BRD4: variants seen among roughly 807,000 people sequenced by gnomAD.
BRD4 encodes bromodomain containing 4, also known as bromodomain-containing protein 4.
A neutral mutation model predicts 142.1 loss-of-function variants in BRD4; 16 were observed. That is an observed-to-expected ratio of 0.11 (90% CI 0.08 to 0.17). The LOEUF is 0.17. BRD4 is among the 10% of genes least tolerant of loss of function. BRD4 has a pLI of 1.00. For missense variants in BRD4, 1,424 were observed against 1,810.9 expected (o/e 0.79, Z 3.88); for synonymous variants, 833 against 707.5 (o/e 1.18, Z -2.82).
In BRD4 at chr19:15,243,233, G is replaced by A; in HGVS notation, c.2836C>T (p.Pro946Ser). The change falls in exon 14 of 20, where the codon CCT (proline) becomes TCT (serine). Residue 946 changes from proline to serine, a missense_variant. Pro to Ser is a moderately conservative substitution (Grantham distance 74). Transcript: ENST00000679869. ...QKVQPPTPLLPSVKVQSQPPP... is the reference protein window; with the variant it reads ...QKVQPPTPLLSSVKVQSQPPP... ...GGCTGGGACTGCACCTTCACGGAAG[G>A]GAGTAGCGGCGTAGGGGGCTGCACC... The A allele has an allele frequency of 7.0e-6, 10 of 1,425,334 alleles. No individual in the cohort carries two copies. The highest frequency in any genetic ancestry group is 9.4e-6 in the Non-Finnish European group (10 of 1,067,342). The allele number at this position is 1,425,334 out of a possible 1,614,324, so 88.3% of individuals were successfully genotyped here. A position where few individuals can be genotyped will look rare whatever the true frequency, so the allele number is the denominator to read the frequency against.
At chr19:15,305,028 T>TC (rs2047901966) in intron 1 of BRD4, among the ~76,000 whole-genome samples, 1 of 149,020 alleles carries the variant, frequency 6.7e-6, no homozygotes, top group East Asian at 1.9e-4. Context: ...ACCATCTTTT[T>TC]TTTTTTTTTT....
chr19:15,302,228 G>A (rs930105851), intron 1 of BRD4, among the ~76,000 whole-genome samples: 2 of 152,012 alleles, frequency 1.3e-5, no homozygotes, highest in Non-Finnish European at 2.9e-5. Context: ...ACCACATGCA[G>A]TACACCACCC....
intron 2 of BRD4, 76 bp downstream of exon 2, chr19:15,272,739 G>A: frequency 7.0e-7 from 1 of 1,422,752 alleles, no homozygotes; most frequent in Non-Finnish European, 9.6e-7. Flanking sequence ...CCTCCCCCCA[G>A]GAACTGCCCT....
chr19:15,323,338 C>T (rs1037784123), intron 1 of BRD4, among the ~76,000 whole-genome samples: 19 of 152,094 alleles, frequency 1.2e-4, no homozygotes, highest in African/African-American at 4.6e-4. Context: ...CAGATGTCCC[C>T]TGCTGAGTGT....
chr19:15,302,956 C>T (rs182463992), intron 1 of BRD4, among the ~76,000 whole-genome samples: 35 of 140,960 alleles, frequency 2.5e-4, no homozygotes, highest in Non-Finnish European at 4.4e-4. Context: ...TGCAGTGAGC[C>T]GAGATCGCGC....
chr19:15,237,134 TC>T lies in BRD4; in HGVS notation c.*1242del, dbSNP rs561080899. 1.5e-4 allele frequency: 29 copies of T among 196,972 alleles called. 1 individual carries two copies. The South Asian group carries it at 5.8e-3, about 39-fold the overall frequency. The allele number at this position is 196,972 out of a possible 1,614,324, so 12.2% of individuals were successfully genotyped here. A position where few individuals can be genotyped will look rare whatever the true frequency, so the allele number is the denominator to read the frequency against. On this transcript the variant is annotated 3_prime_UTR_variant, in exon 20 of 20. Coordinates refer to ENST00000679869, the MANE Select transcript of BRD4 (RefSeq NM_001379291.1). ...CCCCCAGGGCCCGGTTCCCACCTCA[TC>T]CCTTGGCCCTTCCTTTCTCAGTAAA...
Position 15,264,491 on chromosome 19 carries a change from G to C in BRD4, c.1125C>G (p.Pro375=). 1.9e-6 allele frequency: 3 copies of C among 1,614,118 alleles called. No individual in the cohort carries two copies. Among genetic ancestry groups the C allele is most frequent in the Non-Finnish European group, 2.5e-6 (3 of 1,180,038 alleles). ...FAKKHAAYAW[P]FYKPVDVEAL... ...CCTCCACGTCCACAGGCTTGTAGAA[G>C]GGCCAGGCGTAGGCGGCGTGCTTCT... The change falls in exon 6 of 20, where the codon CCC becomes CCG. Residue 375 remains proline (P), a synonymous_variant. Coordinates refer to ENST00000679869, the MANE Select transcript of BRD4 (RefSeq NM_001379291.1).
intron 1 of BRD4, among the ~76,000 whole-genome samples, chr19:15,321,917 G>A (rs1375658165): frequency 2.0e-5 from 3 of 152,118 alleles, no homozygotes; most frequent in Non-Finnish European, 2.9e-5. Flanking sequence ...GTACAGGGAA[G>A]AAACGAAACT....
intron 1 of BRD4, among the ~76,000 whole-genome samples, chr19:15,299,211 T>TC (rs1297767769): frequency 4.6e-5 from 7 of 152,146 alleles, no homozygotes; most frequent in Non-Finnish European, 2.9e-5. Context: ...GAAGGCCCCA[T>TC]CACTCTATGA....
rs1486021751 is a variant in BRD4 at position 15,308,871 on chromosome 19, C to T, written c.-35+23419G>A. Among the ~76,000 whole-genome samples the T allele has an allele frequency of 7.3e-5, 11 of 151,278 alleles. No individual in the cohort carries two copies. The East Asian group carries it at 1.8e-3, about 24-fold the overall frequency. ...TCTACTAAAAATACAAAAAATTAGC[C>T]GGGCATGGTGGCACACGACTGTAGC... On this transcript the variant is annotated intron_variant, in intron 1 of 19. Coordinates refer to ENST00000679869, the MANE Select transcript of BRD4 (RefSeq NM_001379291.1).
At chr19:15,284,978 GAC>G (rs931920654) in intron 1 of BRD4, among the ~76,000 whole-genome samples, 1 of 152,180 alleles carries the variant, frequency 6.6e-6, no homozygotes, top group African/African-American at 2.4e-5. Flanking sequence ...GGAGAGAAAA[GAC>G]ACAGAGCATG....
At position 15,257,108 on chromosome 19, in the gene BRD4, G is replaced by A. The variant is rs372636470; in HGVS notation, c.1407C>T (p.Ser469=). The change falls in exon 8 of 20, where the codon TCC becomes TCT. Residue 469 remains serine, a synonymous_variant. Transcript: ENST00000679869. ...TGGTGGGAGGGGGCACTGCCGGGGA[G>A]GACACGGCCACCACTGGCTCCTCAG... The part of the protein sequence containing the change: ...DEPEEPVVAV[S]SPAVPPPTKV... 7 of 1,609,118 alleles carry A rather than the reference G, an allele frequency of 4.4e-6. No individual in the cohort carries two copies. The African/African-American group carries it at 8.0e-5, about 18-fold the overall frequency.
Position 15,268,888 on chromosome 19 carries a change from C to T in BRD4, c.423+17G>A. The T allele has an allele frequency of 6.2e-7, 1 of 1,613,638 alleles. No individual in the cohort carries two copies. Among genetic ancestry groups the T allele is most frequent in the Non-Finnish European group, 8.5e-7 (1 of 1,179,774 alleles). On this transcript the variant is annotated intron_variant, in intron 3 of 19. Transcript: ENST00000679869. ...CTCTCTCCCCAGGGCAGCTGGACAC[C>T]CACCCCTACATCTCACCTTGTTGTA...
chr19:15,259,706 T>C (rs2145583714), intron 7 of BRD4, among the ~76,000 whole-genome samples: 1 of 152,342 alleles, frequency 6.6e-6, no homozygotes, highest in Admixed American at 6.5e-5. Flanking sequence ...AAAACCTTGC[T>C]GTGTGGCTTC....
In BRD4 at chr19:15,239,273, C is replaced by CA; in HGVS notation, c.3577-10dup. Reference sequence around the variant, plus strand: ...TTCTTGATTTTCAGGTCCTGCAGAACAGAGAGGTTGGGGTGGGTGAGGGGT... The same window carrying CA: ...TTCTTGATTTTCAGGTCCTGCAGAACAAGAGAGGTTGGGGTGGGTGAGGGGT... On this transcript the variant is annotated splice_polypyrimidine_tract_variant and intron_variant, in intron 17 of 19. Transcript: ENST00000679869. This position sits in a 1 kb window ranked among gnomAD's most constrained non-coding sequence, Gnocchi z 7.4. 2 of 1,613,188 alleles carry CA rather than the reference C, an allele frequency of 1.2e-6. No individual in the cohort carries two copies. Among genetic ancestry groups the CA allele is most frequent in the Non-Finnish European group, 1.7e-6 (2 of 1,179,544 alleles).
At chr19:15,275,227 T>C (rs1448270188) in intron 1 of BRD4, among the ~76,000 whole-genome samples, 2 of 152,208 alleles carry the variant, frequency 1.3e-5, no homozygotes, top group African/African-American at 4.8e-5. Flanking sequence ...TCTTGAACCT[T>C]GCCTCATTTG....
At chr19:15,272,792 T>TG in intron 2 of BRD4, 23 bp downstream of exon 2, 1 of 1,604,396 alleles carries the variant, frequency 6.2e-7, no homozygotes, top group Non-Finnish European at 8.5e-7. Flanking sequence ...ACGGCCACCC[T>TG]GGGCCCTGCC....
rs899487916 is a variant in BRD4, at chr19:15,264,263, T to A, written c.1212+141A>T. 5 of 1,205,588 alleles carry A rather than the reference T, an allele frequency of 4.1e-6. No individual in the cohort carries two copies. In the African/African-American group the frequency reaches 7.6e-5, roughly 18 times the overall value. 74.7% of individuals were successfully genotyped at this position (1,205,588 alleles called of 1,614,324 possible). ...CAGCAGACAGCAGGGGGCGCTGAGT[T>A]TCTTCGAGTTGGCGGGAAAAATCCA... On this transcript the variant is annotated intron_variant, in intron 6 of 19. Transcript: ENST00000679869.
At chr19:15,320,777 T>C (rs538523794) in intron 1 of BRD4, among the ~76,000 whole-genome samples, 4 of 152,162 alleles carry the variant, frequency 2.6e-5, no homozygotes, top group Non-Finnish European at 4.4e-5. Flanking sequence ...TCTACGAAAA[T>C]ATTTGGGATA....
Sources: allele counts gnomAD v4.1 joint callset (sites outside exome capture counted in the v4.1 genomes callset), GRCh38; gene constraint gnomAD v4.1.1; non-coding constraint Gnocchi (gnomAD v3.1); transcripts MANE v1.5; gene names NCBI Gene and HGNC (gene_info 2026-07-23, HGNC 2026-07-21).